DMAC2L: variants seen among roughly 807,000 people sequenced by gnomAD.
The protein encoded by DMAC2L is ATP synthase subunit s, mitochondrial.
Under a neutral mutation model 22.5 loss-of-function variants are expected in DMAC2L, and 21 were observed. The ratio of observed to expected loss-of-function variants is 0.93; its 90% CI spans 0.66 to 1.34. The LOEUF (loss-of-function observed/expected upper bound fraction) is 1.34, where lower values mean the gene tolerates loss of function less well. Among genes scored for constraint, DMAC2L ranks in the 40% most tolerant of loss-of-function variants. DMAC2L has a pLI of 0.00. For missense variants in DMAC2L, 239 were observed against 246.5 expected (o/e 0.97, Z 0.20); for synonymous variants, 86 against 89.5 (o/e 0.96, Z 0.22).
chr14:50,319,975 C>T (rs1566557413), intron 2 of DMAC2L, among the ~76,000 whole-genome samples: 1 of 152,224 alleles, frequency 6.6e-6, no homozygotes, highest in Non-Finnish European at 1.5e-5. Flanking sequence ...CGTATGGCCT[C>T]ATGTGATTGA....
chr14:50,311,581 A>T (rs559764470), upstream of DMAC2L: 17 of 426,996 alleles, frequency 4.0e-5, no homozygotes, highest in South Asian at 2.4e-4. Context: ...CTGATTTAAG[A>T]CTGTATTCAG....
chr14:50,315,125 C>T (rs2031655540), intron 2 of DMAC2L, among the ~76,000 whole-genome samples: 1 of 151,938 alleles, frequency 6.6e-6, no homozygotes, highest in South Asian at 2.1e-4. Flanking sequence ...TGCCACTATG[C>T]CCGGCTAATT....
intron 2 of DMAC2L, chr14:50,321,274 T>G (rs1418074464): frequency 1.1e-6 from 1 of 883,254 alleles, no homozygotes; most frequent in African/African-American, 1.7e-5. Flanking sequence ...GAAGGAGCCT[T>G]AGACACCATC....
intron 4 of DMAC2L, 86 bp from the exon 5 acceptor site, chr14:50,323,859 T>G: frequency 8.2e-7 from 1 of 1,221,400 alleles, no homozygotes; most frequent in Admixed American, 2.3e-5. Flanking sequence ...CTTTCAGTCC[T>G]AAAACCAAGT....
upstream of DMAC2L, chr14:50,312,154 C>G: frequency 6.2e-7 from 1 of 1,609,636 alleles, no homozygotes; most frequent in Non-Finnish European, 8.5e-7. Context: ...GCACCATCCC[C>G]TACGCACGCT....
chr14:50,318,934 C>T (rs1237500445), intron 2 of DMAC2L: 4 of 720,152 alleles, frequency 5.6e-6, no homozygotes, highest in African/African-American at 1.9e-5. Context: ...GTCTCTTTCT[C>T]CTTTGTTCTT....
intron 5 of DMAC2L, among the ~76,000 whole-genome samples, chr14:50,324,860 C>A (rs970979323): frequency 6.6e-6 from 1 of 152,166 alleles, no homozygotes; most frequent in East Asian, 1.9e-4. Flanking sequence ...ACTACAACTT[C>A]CGCTTCCTGG....
intron 2 of DMAC2L, chr14:50,319,262 G>A: frequency 6.5e-7 from 1 of 1,536,100 alleles, no homozygotes; most frequent in Admixed American, 2.0e-5. Context: ...GCAGAGGCTT[G>A]CAGTAATGAA....
chr14:50,312,453 C>G (rs141258517), intron 1 of DMAC2L, 64 bp downstream of exon 1: 176 of 493,624 alleles, frequency 3.6e-4, no homozygotes, highest in Non-Finnish European at 5.9e-4. Flanking sequence ...TCTGCCCTCG[C>G]CCGTCGCCAA....
chr14:50,318,652 C>T (rs1303266287), intron 2 of DMAC2L, among the ~76,000 whole-genome samples: 1 of 152,098 alleles, frequency 6.6e-6, no homozygotes, highest in Non-Finnish European at 1.5e-5. Context: ...TGTTCTTTTA[C>T]TTTGCATACT....
chr14:50,312,260 G>C (rs1462828352), upstream of DMAC2L: 5 of 1,482,798 alleles, frequency 3.4e-6, no homozygotes, highest in Non-Finnish European at 4.6e-6. Flanking sequence ...CAATGAAGTG[G>C]CGCGCCTTCG....
chr14:50,318,458 AAATG>A (rs1313235863), intron 2 of DMAC2L, among the ~76,000 whole-genome samples: 1 of 152,252 alleles, frequency 6.6e-6, no homozygotes, highest in East Asian at 1.9e-4. Flanking sequence ...AGATGGGCCA[AAATG>A]AATCAAGCAA....
intron 2 of DMAC2L, among the ~76,000 whole-genome samples, chr14:50,320,986 T>G (rs992871682): frequency 6.6e-6 from 1 of 152,198 alleles, no homozygotes; most frequent in South Asian, 2.1e-4. Context: ...TAAAACAGTT[T>G]TTTTGTTTAC....
intron 2 of DMAC2L, 65 bp downstream of exon 2, chr14:50,314,691 G>A: frequency 2.2e-6 from 1 of 451,884 alleles, no homozygotes; most frequent in Non-Finnish European, 4.4e-6. Flanking sequence ...GCCCAGGCTG[G>A]AGTGCAGTGG....
intron 2 of DMAC2L, chr14:50,319,031 T>C: frequency 1.0e-6 from 1 of 985,456 alleles, no homozygotes; most frequent in South Asian, 4.7e-5. Context: ...AATGAATGAA[T>C]GGACATGGCA....
Position 50,322,610 on chromosome 14 carries a change from G to C in DMAC2L, c.207G>C (p.Arg69Ser). The change falls in exon 4 of 6, where the codon AGG becomes AGC. Residue 69 changes from arginine (R) to serine (S), a missense_variant. Transcript: ENST00000557421. ...TGGTGCGCTACCATGGCCAGGAGAG[G>C]TGGCAGAAGGACTACAACCACCTTC... ...GAMVRYHGQE[R>S]WQKDYNHLPT... The C allele has an allele frequency of 1.2e-6, 2 of 1,614,196 alleles. No homozygotes were observed. Among genetic ancestry groups the C allele is most frequent in the Non-Finnish European group, 1.7e-6 (2 of 1,180,026 alleles).
chr14:50,314,850 C>T (rs2031626838), intron 2 of DMAC2L, among the ~76,000 whole-genome samples: 1 of 151,938 alleles, frequency 6.6e-6, no homozygotes, highest in South Asian at 2.1e-4. Flanking sequence ...CCATGTTGAC[C>T]GGGCTGGTCT....
Position 50,326,493 on chromosome 14 carries a change from T to G in DMAC2L, c.*770T>G, listed in dbSNP as rs1005913800. On this transcript the variant is annotated 3_prime_UTR_variant, in exon 6 of 6. Coordinates refer to ENST00000557421, the MANE Select transcript of DMAC2L (RefSeq NM_001382507.1). ...TCAATTATGCAAAGTGGTCAGTGGT[T>G]GTTGAAGCATGCATTGCTTCAACAG... The G allele has an allele frequency of 4.1e-6, 4 of 985,418 alleles. No homozygotes were observed. Among genetic ancestry groups the G allele is most frequent in the Non-Finnish European group, 3.6e-6 (3 of 829,892 alleles). The allele number at this position is 985,418 out of a possible 1,614,324, so 61.0% of individuals were successfully genotyped here.
At chr14:50,318,103 G>A (rs1159764323) in intron 2 of DMAC2L, among the ~76,000 whole-genome samples, 1 of 152,138 alleles carries the variant, frequency 6.6e-6, no homozygotes, top group Non-Finnish European at 1.5e-5. Flanking sequence ...ACTCAATCAT[G>A]GTGGATTATC....
Sources: gnomAD v4.1 joint callset for allele counts (sites outside exome capture counted in the v4.1 genomes callset) on GRCh38, gnomAD v4.1.1 for gene constraint, MANE v1.5 for transcripts, NCBI Gene and HGNC (gene_info 2026-07-23, HGNC 2026-07-21) for gene names.